SLC9B1: variants seen among roughly 807,000 people sequenced by gnomAD.
The protein encoded by SLC9B1 is solute carrier family 9 member B1.
Under a neutral mutation model 51.7 loss-of-function variants are expected in SLC9B1, and 32 were observed. That is an observed-to-expected ratio of 0.62 (90% CI 0.47 to 0.83). The LOEUF is 0.83. SLC9B1 is among the 40% of genes least tolerant of loss of function. The probability of loss-of-function intolerance (pLI) is 0.00; values close to 1 mark genes in which losing one functional copy is unlikely to be tolerated. For missense variants in SLC9B1, 406 were observed against 613.2 expected, an observed-to-expected ratio of 0.66 and a Z score of 3.57; for synonymous variants, 145 against 212.7, an observed-to-expected ratio of 0.68 and a Z score of 2.77.
Position 102,989,806 on chromosome 4 carries a change from T to C in SLC9B1, c.205A>G (p.Thr69Ala). 4 of 1,570,488 alleles carry C rather than the reference T, an allele frequency of 2.5e-6. No individual in the cohort carries two copies. The highest frequency in any genetic ancestry group is 2.4e-5 in the South Asian group (2 of 84,762). ...PLRGVLNVII[T>A]NGVILFVIWC... ...CATTTTTTGTTTCACATACCATTTG[T>C]AATAATTACATTCAATACTCCTCTT... The change falls in exon 3 of 12, where the codon ACA becomes GCA. Residue 69 changes from threonine (T) to alanine (A), a missense_variant. Physicochemically the swap from Thr to Ala is moderately conservative, Grantham distance 58. Transcript: ENST00000296422.
intron 6 of SLC9B1, among the ~76,000 whole-genome samples, chr4:102,939,563 C>A (rs1169346092): frequency 2.0e-5 from 3 of 152,046 alleles, no homozygotes; most frequent in Admixed American, 2.0e-4. Context: ...ATGAGGCCAG[C>A]ATCATTCAGA....
At chr4:102,918,707 A>G (rs1229266567) in intron 7 of SLC9B1, among the ~76,000 whole-genome samples, 3 of 152,220 alleles carry the variant, frequency 2.0e-5, no homozygotes, top group African/African-American at 7.2e-5. Flanking sequence ...GGACAAAGAG[A>G]AGGTGCTATC....
intron 7 of SLC9B1, among the ~76,000 whole-genome samples, chr4:102,914,310 G>A (rs1286419182): frequency 6.7e-6 from 1 of 150,094 alleles, no homozygotes; most frequent in African/African-American, 2.5e-5. Flanking sequence ...ATCCCCAGGA[G>A]CAATTTGGAG....
chr4:102,936,489 C>A (rs1736728931), intron 6 of SLC9B1, among the ~76,000 whole-genome samples: 1 of 152,060 alleles, frequency 6.6e-6, no homozygotes, highest in African/African-American at 2.4e-5. Flanking sequence ...AAAATCCAAT[C>A]CAAATAATCT....
Position 103,019,621 on chromosome 4 carries a change from C to G in SLC9B1, c.-24G>C. 1.0e-6 allele frequency: 1 copy of G among 985,492 alleles called. No individual in the cohort carries two copies. Among genetic ancestry groups the G allele is most frequent in the Non-Finnish European group, 1.2e-6 (1 of 829,958 alleles). The allele number at this position is 985,492 out of a possible 1,614,324, so 61.0% of individuals were successfully genotyped here. ...TACCTACAACTTCTTTCGCAGCCCT[C>G]GCTGGCCCGGGAGCGGCCCAGGAGC... On this transcript the variant is annotated 5_prime_UTR_variant, in exon 1 of 12. Coordinates refer to ENST00000296422, the MANE Select transcript of SLC9B1 (RefSeq NM_139173.4).
intron 3 of SLC9B1, chr4:102,962,228 A>G: frequency 5.6e-6 from 3 of 537,242 alleles, no homozygotes; most frequent in South Asian, 4.2e-5. Context: ...CAAAGCCCAA[A>G]GGAGAATGTT....
rs112990364 is a variant in SLC9B1 at position 102,911,423 on chromosome 4, G to A, written c.936+8C>T. On this transcript the variant is annotated splice_region_variant and intron_variant, in intron 8 of 11. Transcript: ENST00000296422. ...ACTATACTTCTATAAAATAGATTTT[G>A]TATTTACCTGGTCTTCACTTGGAAA... 1.5e-3 allele frequency: 2,333 copies of A among 1,567,860 alleles called. 27 individuals are homozygous for A. In the African/African-American group the frequency reaches 0.028, roughly 19 times the overall value.
intron 1 of SLC9B1, among the ~76,000 whole-genome samples, chr4:103,008,689 C>T (rs1740924954): frequency 6.6e-6 from 1 of 151,550 alleles, no homozygotes; most frequent in South Asian, 2.1e-4. Flanking sequence ...GACCCTGATA[C>T]ATCATATTGA....
At chr4:102,890,128 G>T (rs1156834845) in intron 11 of SLC9B1, 2 of 152,108 alleles carry the variant, frequency 1.3e-5, no homozygotes, top group Middle Eastern at 3.2e-3. Flanking sequence ...CATTCATATG[G>T]GTAATTAAGC....
At chr4:103,000,024 A>G (rs1288088206) in intron 1 of SLC9B1, among the ~76,000 whole-genome samples, 1 of 152,196 alleles carries the variant, frequency 6.6e-6, no homozygotes, top group Non-Finnish European at 1.5e-5. Flanking sequence ...AAAATGCCAG[A>G]TGCTTATAAA....
In SLC9B1 at chr4:102,945,203, A is replaced by T. The variant is rs368038580; in HGVS notation, c.643T>A (p.Phe215Ile). The change falls in exon 6 of 12, where the codon TTT becomes ATT. Residue 215 changes from phenylalanine to isoleucine, a missense_variant. Physicochemically the swap from Phe to Ile is conservative, Grantham distance 21. This residue lies in a region of SLC9B1 where 250 missense variants were observed against 394.1 expected (regional missense o/e 0.63). Coordinates refer to ENST00000296422, the MANE Select transcript of SLC9B1 (RefSeq NM_139173.4). The part of the protein sequence containing the change: ...FIMKFPWQWA[F>I]LLGFVLGAVS... ...TGAGAAAGAAATTACCCTAATAGAA[A>T]TGCCCATTGCCAGGGAAATTTCATA... The T allele has an allele frequency of 3.1e-6, 5 of 1,602,570 alleles. No homozygotes were observed. The South Asian group carries it at 4.5e-5, about 14-fold the overall frequency.
chr4:102,986,841 A>G (rs567059165), intron 3 of SLC9B1, among the ~76,000 whole-genome samples: 130 of 152,262 alleles, frequency 8.5e-4, no homozygotes, highest in Non-Finnish European at 1.4e-3. Context: ...CATCCTGTTT[A>G]TAATACTCAT....
At chr4:102,909,066 T>C (rs749841662) in intron 9 of SLC9B1, among the ~76,000 whole-genome samples, 1 of 152,212 alleles carries the variant, frequency 6.6e-6, no homozygotes, top group Non-Finnish European at 1.5e-5. Flanking sequence ...TCAAGTGCTG[T>C]TGATGAGTTA....
At chr4:102,927,777 T>C (rs1170683119) in intron 7 of SLC9B1, among the ~76,000 whole-genome samples, 2 of 152,190 alleles carry the variant, frequency 1.3e-5, no homozygotes, top group African/African-American at 4.8e-5. Flanking sequence ...CATGCACATG[T>C]ATGTTTATTT....
downstream of SLC9B1, chr4:102,898,031 T>C (rs1734617798): frequency 7.0e-6 from 3 of 426,688 alleles, no homozygotes; most frequent in Non-Finnish European, 1.4e-5. Context: ...TGAATGGCTC[T>C]TTCCTCTTCT....
intron 1 of SLC9B1, among the ~76,000 whole-genome samples, chr4:102,995,890 C>A (rs1035522049): frequency 2.0e-5 from 3 of 152,134 alleles, no homozygotes; most frequent in African/African-American, 7.2e-5. Flanking sequence ...TAACATGAAT[C>A]ATCTTCCTCA....
intron 1 of SLC9B1, among the ~76,000 whole-genome samples, chr4:102,999,121 C>T (rs144602730): frequency 6.6e-6 from 1 of 152,128 alleles, no homozygotes; most frequent in South Asian, 2.1e-4. Context: ...AGCTATTGTA[C>T]CCAGCATCTT....
intron 3 of SLC9B1, among the ~76,000 whole-genome samples, chr4:102,955,843 G>GAGAAAGAAAGAC (rs1414678889): frequency 2.8e-5 from 3 of 106,754 alleles, no homozygotes; most frequent in African/African-American, 1.1e-4. Flanking sequence ...GAAAGAGAGA[G>GAGAAAGAAAGAC]AGAAAGAAAG....
At chr4:102,960,419 A>T (rs115914123) in intron 3 of SLC9B1, among the ~76,000 whole-genome samples, 2,460 of 152,126 alleles carry the variant, frequency 0.016, 68 homozygotes, top group African/African-American at 0.053. Context: ...TAATATAAAT[A>T]ACATAGTATT....
Sources: allele counts gnomAD v4.1 joint callset (sites outside exome capture counted in the v4.1 genomes callset), GRCh38; gene constraint gnomAD v4.1.1; regional missense constraint gnomAD v4.1.1; transcripts MANE v1.5; gene names NCBI Gene and HGNC (gene_info 2026-07-23, HGNC 2026-07-21).